ADGRB3: variants seen among roughly 807,000 people sequenced by gnomAD.
ADGRB3 encodes brain-specific angiogenesis inhibitor 3.
ADGRB3 carries 37 observed loss-of-function variants against 193.4 expected under a neutral mutation model. The observed-to-expected ratio is 0.19, with a 90% CI of 0.15 to 0.25. The LOEUF (loss-of-function observed/expected upper bound fraction) is 0.25, where lower values mean the gene tolerates loss of function less well. ADGRB3 is among the 10% of genes least tolerant of loss of function. The probability of loss-of-function intolerance (pLI) is 1.00; values close to 1 mark genes in which losing one functional copy is unlikely to be tolerated. For missense variants in ADGRB3, 1,637 were observed against 1,852.9 expected (o/e 0.88, Z 2.14); for synonymous variants, 690 against 644.2 (o/e 1.07, Z -1.08).
chr6:69,356,370 G>C (rs1166165110), intron 28 of ADGRB3, among the ~76,000 whole-genome samples: 2 of 152,078 alleles, frequency 1.3e-5, no homozygotes. Flanking sequence ...GGGTTATTGA[G>C]AAATCAAAAT....
At chr6:69,205,339 A>G (rs1414734002) in intron 17 of ADGRB3, among the ~76,000 whole-genome samples, 2 of 152,046 alleles carry the variant, frequency 1.3e-5, no homozygotes, top group Non-Finnish European at 2.9e-5. Flanking sequence ...TACTGGCCCT[A>G]TGAATTGAAG....
At chr6:69,303,320 A>G (rs570213703) in intron 20 of ADGRB3, among the ~76,000 whole-genome samples, 7 of 151,976 alleles carry the variant, frequency 4.6e-5, no homozygotes, top group Admixed American at 3.3e-4. Flanking sequence ...ATTATGATGC[A>G]TGTCCCTAAA....
chr6:68,711,682 G>A (rs1407929721), intron 3 of ADGRB3, among the ~76,000 whole-genome samples: 1 of 152,090 alleles, frequency 6.6e-6, no homozygotes, highest in Non-Finnish European at 1.5e-5. Flanking sequence ...TGCTGGGTCT[G>A]CTGTTAGCCC....
chr6:68,767,537 A>G (rs1316930880), intron 3 of ADGRB3, among the ~76,000 whole-genome samples: 4 of 152,220 alleles, frequency 2.6e-5, no homozygotes, highest in Non-Finnish European at 4.4e-5. Flanking sequence ...GATGGATCGT[A>G]TCTCAAAATA....
At chr6:68,979,074 T>C (rs935209437) in intron 10 of ADGRB3, among the ~76,000 whole-genome samples, 3 of 151,398 alleles carry the variant, frequency 2.0e-5, no homozygotes, top group African/African-American at 7.2e-5. Flanking sequence ...AAGTTTAAGA[T>C]ATAAAATCAC....
chr6:69,034,557 T>C (rs1484202935), intron 13 of ADGRB3, among the ~76,000 whole-genome samples: 1 of 148,062 alleles, frequency 6.8e-6, no homozygotes, highest in East Asian at 2.0e-4. Flanking sequence ...CATATAATTA[T>C]ATAAATTATA....
At chr6:68,728,486 C>A (rs1427065074) in intron 3 of ADGRB3, among the ~76,000 whole-genome samples, 5 of 151,522 alleles carry the variant, frequency 3.3e-5, no homozygotes, top group Non-Finnish European at 1.5e-5. Context: ...AGACTAATTT[C>A]CTTTAAAAAC....
At chr6:68,971,025 T>G (rs1768552465) in intron 8 of ADGRB3, among the ~76,000 whole-genome samples, 1 of 152,200 alleles carries the variant, frequency 6.6e-6, no homozygotes, top group Non-Finnish European at 1.5e-5. Flanking sequence ...TGAGATTTCT[T>G]TGGAATAGCC....
chr6:68,920,194 A>G (rs1322415991), intron 3 of ADGRB3, among the ~76,000 whole-genome samples: 1 of 152,194 alleles, frequency 6.6e-6, no homozygotes, highest in African/African-American at 2.4e-5. Context: ...ACACACTGAT[A>G]AAATTTCAAA....
At chr6:69,147,921 C>G (rs542005095) in intron 17 of ADGRB3, among the ~76,000 whole-genome samples, 1 of 152,114 alleles carries the variant, frequency 6.6e-6, no homozygotes, top group South Asian at 2.1e-4. Context: ...TAACTTTTGT[C>G]TTGAAATCTA....
intron 15 of ADGRB3, among the ~76,000 whole-genome samples, chr6:69,060,200 T>TGTCTCTCTC (rs1771691857): frequency 5.9e-5 from 5 of 84,230 alleles, no homozygotes; most frequent in African/African-American, 1.9e-4. Context: ...CTCTCTCTCT[T>TGTCTCTCTC]TCTCTGTCTC....
chr6:68,919,645 A>G (rs74330117), intron 3 of ADGRB3, among the ~76,000 whole-genome samples: 1,632 of 152,240 alleles, frequency 0.011, 30 homozygotes, highest in African/African-American at 0.037. Flanking sequence ...GAAAATTAAA[A>G]TCCTGTCAGC....
At chr6:68,940,547 C>CTTTTTTTTTTTTTTTTTTTTTT in intron 5 of ADGRB3, among the ~76,000 whole-genome samples, 5 of 69,216 alleles carry the variant, frequency 7.2e-5, no homozygotes, top group African/African-American at 1.1e-4. Flanking sequence ...TGCTTTTGAA[C>CTTTTTTTTTTTTTTTTTTTTTT]TTTTTTTTTT....
intron 3 of ADGRB3, among the ~76,000 whole-genome samples, chr6:68,714,096 C>T (rs1415180649): frequency 3.3e-5 from 5 of 151,750 alleles, no homozygotes; most frequent in African/African-American, 1.2e-4. Context: ...ACTTTGTACT[C>T]ATTTTTTTAA....
intron 3 of ADGRB3, among the ~76,000 whole-genome samples, chr6:68,841,427 C>T (rs1768156818): frequency 6.6e-6 from 1 of 151,998 alleles, no homozygotes; most frequent in African/African-American, 2.4e-5. Context: ...TGGAATAAAA[C>T]TATCAATAGA....
chr6:69,275,546 T>A (rs903555026), intron 20 of ADGRB3, among the ~76,000 whole-genome samples: 7 of 151,916 alleles, frequency 4.6e-5, no homozygotes, highest in Non-Finnish European at 8.8e-5. Flanking sequence ...CCTCTTTTCA[T>A]CAAGACATAA....
At chr6:68,953,850 G>A (rs1259482166) in intron 6 of ADGRB3, among the ~76,000 whole-genome samples, 4 of 152,030 alleles carry the variant, frequency 2.6e-5, no homozygotes, top group African/African-American at 9.7e-5. Context: ...TTATTTGGAT[G>A]GATTTTCATA....
rs567790813 is a variant in ADGRB3 at position 69,108,941 on chromosome 6, C to G, written c.2480+32903C>G. On this transcript the variant is annotated intron_variant, in intron 17 of 31. Coordinates refer to ENST00000370598, the MANE Select transcript of ADGRB3 (RefSeq NM_001704.3). ...ATAGGGAAGAGGTAATATTCACCAT[C>G]ATGCAAGAAGAATAGGTATAAACTG... 8.5e-5 allele frequency among the ~76,000 whole-genome samples: 13 copies of G among 152,268 alleles called. No individual in the cohort carries two copies. The South Asian group carries it at 1.0e-3, about 12-fold the overall frequency.
At chr6:69,345,683 G>A (rs1769069336) in intron 26 of ADGRB3, among the ~76,000 whole-genome samples, 3 of 152,076 alleles carry the variant, frequency 2.0e-5, no homozygotes, top group African/African-American at 7.2e-5. Context: ...CATTCCCTTT[G>A]AAAACTGGCA....
Sources: gnomAD v4.1 joint callset for allele counts (sites outside exome capture counted in the v4.1 genomes callset) on GRCh38, gnomAD v4.1.1 for gene constraint, MANE v1.5 for transcripts, NCBI Gene and HGNC (gene_info 2026-07-23, HGNC 2026-07-21) for gene names.